Variants in ANKRD17 observed in about 807,000 individuals in gnomAD.
The protein encoded by ANKRD17 is ankyrin repeat domain 17, also known as ankyrin repeat domain-containing protein 17.
In ANKRD17, 19 loss-of-function variants were observed where a neutral mutation model predicts 229.7. The ratio of observed to expected loss-of-function variants is 0.08; its 90% CI spans 0.06 to 0.12. The LOEUF is 0.12. Among genes scored for constraint, ANKRD17 ranks in the 10% least tolerant of loss-of-function variants. The pLI is 1.00. For synonymous variants in ANKRD17, 1,112 were observed against 1,146.1 expected (o/e 0.97, Z 0.60); for missense variants, 2,176 against 3,176.8 (o/e 0.68, Z 7.57).
intron 1 of ANKRD17, among the ~76,000 whole-genome samples, chr4:73,227,268 C>A (rs1434156509): frequency 1.3e-5 from 2 of 152,102 alleles, no homozygotes; most frequent in Non-Finnish European, 2.9e-5. Context: ...ATTCTCCTGC[C>A]TCAGCCTCCC....
At chr4:73,117,448 T>C (rs1328742633) in intron 22 of ANKRD17, among the ~76,000 whole-genome samples, 1 of 152,142 alleles carries the variant, frequency 6.6e-6, no homozygotes, top group East Asian at 1.9e-4. Context: ...TCTAATATAG[T>C]AGAGTGGTTA....
chr4:73,078,337 G>A (rs763419287), intron 31 of ANKRD17, among the ~76,000 whole-genome samples: 1 of 151,576 alleles, frequency 6.6e-6, no homozygotes, highest in Non-Finnish European at 1.5e-5. Context: ...AGATTGTGCC[G>A]CTGCAGTCCG....
At chr4:73,226,389 GTTTTTTTTT>G (rs1157719883) in intron 1 of ANKRD17, among the ~76,000 whole-genome samples, 4 of 87,612 alleles carry the variant, frequency 4.6e-5, no homozygotes, top group African/African-American at 1.8e-4. Context: ...CTTTTCTTCT[GTTTTTTTTT>G]TTTTTTTTTT....
chr4:73,254,061 T>TA (rs1745248768), intron 1 of ANKRD17, among the ~76,000 whole-genome samples: 1 of 152,198 alleles, frequency 6.6e-6, no homozygotes, highest in Non-Finnish European at 1.5e-5. Flanking sequence ...CAAATACTGC[T>TA]ACATCAATTA....
At chr4:73,194,707 A>G (rs1027442006) in intron 1 of ANKRD17, among the ~76,000 whole-genome samples, 7 of 152,190 alleles carry the variant, frequency 4.6e-5, no homozygotes, top group African/African-American at 1.7e-4. Context: ...ATACTGTAAT[A>G]CAGCTGAAAC....
intron 2 of ANKRD17, among the ~76,000 whole-genome samples, chr4:73,176,759 G>T (rs372333763): frequency 3.3e-5 from 5 of 152,260 alleles, no homozygotes; most frequent in African/African-American, 1.2e-4. Context: ...TTAGGTGATG[G>T]ATAGCCCATT....
At chr4:73,160,695 T>C (rs1399420339) in intron 3 of ANKRD17, among the ~76,000 whole-genome samples, 5 of 152,196 alleles carry the variant, frequency 3.3e-5, no homozygotes, top group Non-Finnish European at 7.3e-5. Context: ...ATAAAGTCCC[T>C]GGACTCACAT....
chr4:73,196,352 T>C (rs1274327391), intron 1 of ANKRD17, among the ~76,000 whole-genome samples: 1 of 152,176 alleles, frequency 6.6e-6, no homozygotes, highest in African/African-American at 2.4e-5. Context: ...CTTTCTTCCA[T>C]TCTGCCTGCT....
At chr4:73,254,492 G>T (rs1276631863) in intron 1 of ANKRD17, among the ~76,000 whole-genome samples, 1 of 152,166 alleles carries the variant, frequency 6.6e-6, no homozygotes, top group African/African-American at 2.4e-5. Flanking sequence ...ATTGCAGTGC[G>T]CAGTGTGGCT....
At chr4:73,090,061 A>T (rs1351643099) in intron 29 of ANKRD17, among the ~76,000 whole-genome samples, 2 of 152,162 alleles carry the variant, frequency 1.3e-5, no homozygotes, top group Admixed American at 1.3e-4. Flanking sequence ...AATAAATGTA[A>T]ACTTTTGGTG....
At chr4:73,242,969 G>A (rs1270914680) in intron 1 of ANKRD17, among the ~76,000 whole-genome samples, 1 of 152,200 alleles carries the variant, frequency 6.6e-6, no homozygotes, top group East Asian at 1.9e-4. Flanking sequence ...GGTAAAAGAA[G>A]AAGTGGTGTA....
At chr4:73,113,221 AG>A in intron 24 of ANKRD17, 2 of 1,288,752 alleles carry the variant, frequency 1.6e-6, no homozygotes, top group Middle Eastern at 2.1e-4. Flanking sequence ...AGAAAAGGGA[AG>A]TGAAGAAGCT....
intron 1 of ANKRD17, among the ~76,000 whole-genome samples, chr4:73,229,174 C>G (rs974842727): frequency 6.6e-6 from 1 of 152,026 alleles, no homozygotes; most frequent in African/African-American, 2.4e-5. Flanking sequence ...AGGAGATATA[C>G]CTAATGTAAA....
At position 73,117,222 on chromosome 4, in the gene ANKRD17, A is replaced by G. The variant is rs376105850; in HGVS notation, c.4189-1306T>C. 3.7e-4 allele frequency among the ~76,000 whole-genome samples: 57 copies of G among 152,302 alleles called. No homozygotes were observed. The East Asian group carries it at 9.6e-3, about 26-fold the overall frequency. On this transcript the variant is annotated intron_variant, in intron 22 of 33. Transcript: ENST00000358602. ...AATGAGTAACTTTGGAAAAATGAAG[A>G]AAGACATGGGCATTCTATGAGATGA...
chr4:73,076,963 T>G lies in ANKRD17; in HGVS notation c.7729A>C (p.Thr2577Pro), dbSNP rs140843867. 24 of 1,611,458 alleles carry G rather than the reference T, an allele frequency of 1.5e-5. No individual in the cohort carries two copies. Among genetic ancestry groups the G allele is most frequent in the Admixed American group, 1.7e-5 (1 of 59,434 alleles). The stretch of plus-strand genomic sequence containing the variant: ...ACCGTTTGAGGGCCATTATTTTCCG[T>G]GGAGCTGGAAACCATCTTTATCAGT... Reference protein sequence around the residue: ...NSLIKMVSSSTENNGPQTVWT... With the variant: ...NSLIKMVSSSPENNGPQTVWT... The change falls in exon 33 of 34, where the codon ACG (threonine) becomes CCG (proline). Residue 2577 changes from threonine (T) to proline (P), a missense_variant. Around this residue, in one of 18 missense-constraint regions of ANKRD17, gnomAD observed 159 missense variants for 214.3 expected, o/e 0.74. Coordinates refer to ENST00000358602, the MANE Select transcript of ANKRD17 (RefSeq NM_032217.5).
chr4:73,205,668 G>A (rs1263466621), intron 1 of ANKRD17, among the ~76,000 whole-genome samples: 3 of 152,158 alleles, frequency 2.0e-5, no homozygotes, highest in Non-Finnish European at 2.9e-5. Context: ...AAAGCTCCAT[G>A]ACACTGGTTG....
chr4:73,202,938 G>C (rs1738872175), intron 1 of ANKRD17, among the ~76,000 whole-genome samples: 1 of 152,088 alleles, frequency 6.6e-6, no homozygotes, highest in African/African-American at 2.4e-5. Flanking sequence ...AACAATGAGA[G>C]AAATGAAGTC....
At chr4:73,208,939 C>T (rs774971756) in intron 1 of ANKRD17, among the ~76,000 whole-genome samples, 8 of 152,074 alleles carry the variant, frequency 5.3e-5, no homozygotes, top group Admixed American at 3.9e-4. Flanking sequence ...AGGCTGGGCG[C>T]GGTGGCTCAT....
intron 1 of ANKRD17, among the ~76,000 whole-genome samples, chr4:73,225,207 C>G (rs1424861873): frequency 1.3e-5 from 2 of 152,148 alleles, no homozygotes; most frequent in African/African-American, 4.8e-5. Context: ...AGACTTAAAA[C>G]AAGTCGTCAA....
Sources: gnomAD v4.1 joint callset for allele counts (sites outside exome capture counted in the v4.1 genomes callset) on GRCh38, gnomAD v4.1.1 for gene constraint, gnomAD v4.1.1 regional missense constraint, MANE v1.5 for transcripts, NCBI Gene and HGNC (gene_info 2026-07-23, HGNC 2026-07-21) for gene names.